Variants in SLC38A8 observed in about 807,000 individuals in gnomAD.
The protein encoded by SLC38A8 is amino acid transporter SLC38A8.
A neutral mutation model predicts 46.0 loss-of-function variants in SLC38A8; 65 were observed. The ratio of observed to expected loss-of-function variants is 1.41; its 90% CI spans 1.16 to 1.74. The LOEUF is 1.74. SLC38A8 is among the 40% of genes most tolerant of loss of function. SLC38A8 has a pLI of 0.00. For missense variants in SLC38A8, 998 were observed against 567.9 expected, an observed-to-expected ratio of 1.76 and a Z score of -7.70; for synonymous variants, 447 against 243.7, an observed-to-expected ratio of 1.83 and a Z score of -7.77.
chr16:84,023,592 A>G (rs1470110760), intron 6 of SLC38A8, among the ~76,000 whole-genome samples: 2 of 152,230 alleles, frequency 1.3e-5, no homozygotes, highest in African/African-American at 2.4e-5. Context: ...AACAATGAAC[A>G]CCACAGGAAG....
Position 84,042,167 on chromosome 16 carries a change from C to A in SLC38A8, c.-2-8G>T. ...GGGTCTGTCCCTCCATGGCTAGAGG[C>A]GGCAGAGGGGTGGAGAGAAAGCACA... On this transcript the variant is annotated splice_region_variant and splice_polypyrimidine_tract_variant and intron_variant, in intron 1 of 10. Coordinates refer to ENST00000299709, the MANE Select transcript of SLC38A8 (RefSeq NM_001080442.3). 1 of 1,603,362 alleles carries A rather than the reference C, an allele frequency of 6.2e-7. No homozygotes were observed. Among genetic ancestry groups the A allele is most frequent in the Non-Finnish European group, 8.5e-7 (1 of 1,175,686 alleles).
intron 7 of SLC38A8, among the ~76,000 whole-genome samples, chr16:84,018,327 G>A (rs1336038620): frequency 6.7e-6 from 1 of 148,710 alleles, no homozygotes; most frequent in South Asian, 2.1e-4. Context: ...CCGCCTCCTG[G>A]GTTCACGCCA....
chr16:84,031,838 G>A lies in SLC38A8; in HGVS notation c.632+29C>T, dbSNP rs761894237. ...TCCCCTGCCGTGCCTCCCCGCCGAG[G>A]CTGCCGGAAGCTGTTCCCTCAGACT... On this transcript the variant is annotated intron_variant, in intron 5 of 10. Transcript: ENST00000299709. 11 of 1,599,984 alleles carry A rather than the reference G, an allele frequency of 6.9e-6. No individual in the cohort carries two copies. In the African/African-American group the frequency reaches 1.3e-4, roughly 19 times the overall value.
intron 9 of SLC38A8, among the ~76,000 whole-genome samples, chr16:84,016,232 C>T (rs1017909682): frequency 6.6e-6 from 1 of 152,226 alleles, no homozygotes; most frequent in African/African-American, 2.4e-5. Context: ...ACTATCTCCA[C>T]CTTGCCCTGC....
At chr16:84,030,350 G>T (rs2085223227) in intron 5 of SLC38A8, among the ~76,000 whole-genome samples, 1 of 152,096 alleles carries the variant, frequency 6.6e-6, no homozygotes, top group African/African-American at 2.4e-5. Flanking sequence ...GTTTTTACCA[G>T]GGCCTCCTCA....
chr16:84,037,631 G>A (rs2085315715), intron 2 of SLC38A8, among the ~76,000 whole-genome samples: 3 of 151,690 alleles, frequency 2.0e-5, no homozygotes, highest in African/African-American at 7.3e-5. Flanking sequence ...CATGGTGGCA[G>A]ATGCCTGTAG....
At chr16:84,039,531 G>A (rs1056969725) in intron 2 of SLC38A8, among the ~76,000 whole-genome samples, 2 of 152,054 alleles carry the variant, frequency 1.3e-5, no homozygotes, top group Non-Finnish European at 2.9e-5. Flanking sequence ...GATCACCTGA[G>A]GTCAGGAGAT....
chr16:84,025,823 C>T (rs1446947566), intron 6 of SLC38A8, among the ~76,000 whole-genome samples: 1 of 152,250 alleles, frequency 6.6e-6, no homozygotes, highest in East Asian at 1.9e-4. Flanking sequence ...ACAGCCCTTC[C>T]GCTGGCGCGT....
intron 2 of SLC38A8, chr16:84,041,331 G>A (rs2085364693): frequency 1.3e-5 from 2 of 152,352 alleles, no homozygotes; most frequent in African/African-American, 4.8e-5. Flanking sequence ...TTGTTTTTGT[G>A]TGTTTAAGAC....
At chr16:84,013,428 T>TG (rs2084979594) in intron 9 of SLC38A8, among the ~76,000 whole-genome samples, 1 of 99,526 alleles carries the variant, frequency 1.0e-5, no homozygotes, top group Non-Finnish European at 1.9e-5. Context: ...GTGTGTGTTT[T>TG]TTTTTTTTTT....
At chr16:84,014,575 G>C (rs1465540595) in intron 9 of SLC38A8, among the ~76,000 whole-genome samples, 2 of 151,978 alleles carry the variant, frequency 1.3e-5, no homozygotes, top group Admixed American at 6.6e-5. Flanking sequence ...CCCAGAACCT[G>C]AGGGAGGAGC....
At chr16:84,036,624 C>A (rs2085301979) in intron 3 of SLC38A8, 78 bp downstream of exon 3, 2 of 1,534,274 alleles carry the variant, frequency 1.3e-6, no homozygotes, top group East Asian at 4.7e-5. Flanking sequence ...GGCCCCACGT[C>A]CTGCTCAACT....
intron 6 of SLC38A8, among the ~76,000 whole-genome samples, chr16:84,023,978 G>A (rs892792072): frequency 7.9e-5 from 12 of 152,174 alleles, no homozygotes; most frequent in African/African-American, 2.9e-4. Flanking sequence ...TCTACACCAG[G>A]GTTTCTCAGC....
At chr16:84,017,822 G>A (rs1232003272) in intron 7 of SLC38A8, among the ~76,000 whole-genome samples, 1 of 152,140 alleles carries the variant, frequency 6.6e-6, no homozygotes, top group Non-Finnish European at 1.5e-5. Flanking sequence ...TGAGAGATAG[G>A]TCTCTAAGAG....
intron 7 of SLC38A8, among the ~76,000 whole-genome samples, chr16:84,020,501 G>A (rs984692048): frequency 3.3e-5 from 5 of 152,234 alleles, no homozygotes; most frequent in East Asian, 1.9e-4. Context: ...TGTAGCTCTC[G>A]CTATCTGCCA....
chr16:84,022,567 C>T (rs562140275), intron 7 of SLC38A8, among the ~76,000 whole-genome samples: 5 of 152,296 alleles, frequency 3.3e-5, no homozygotes, highest in East Asian at 1.9e-4. Flanking sequence ...TGTGAAACCT[C>T]GAACAAGTTC....
rs570502102 is a variant in SLC38A8, at chr16:84,037,533, G to A, written c.190-633C>T. 2.6e-5 allele frequency among the ~76,000 whole-genome samples: 4 copies of A among 152,304 alleles called. No individual in the cohort carries two copies. In the South Asian group the frequency reaches 6.2e-4, roughly 24 times the overall value. On this transcript the variant is annotated intron_variant, in intron 2 of 10. Coordinates refer to ENST00000299709, the MANE Select transcript of SLC38A8 (RefSeq NM_001080442.3). ...CCCAGCACTTCTGGAGACCGAGGTA[G>A]GCGGATCACCTGAGGTCAGGAGTTT...
At chr16:84,024,358 T>G (rs1015244142) in intron 6 of SLC38A8, among the ~76,000 whole-genome samples, 1 of 152,184 alleles carries the variant, frequency 6.6e-6, no homozygotes, top group African/African-American at 2.4e-5. Flanking sequence ...CATTTTTTTT[T>G]GGTAGAGATG....
chr16:84,033,476 G>A lies in SLC38A8; in HGVS notation c.389-7C>T. ...GACAGGAGGGAGTCACACACTGCCA[G>A]AGACACGGGGAGAGCTGAGCCACAG... On this transcript the variant is annotated splice_region_variant and splice_polypyrimidine_tract_variant and intron_variant, in intron 3 of 10. Transcript: ENST00000299709. 2 of 1,590,030 alleles carry A rather than the reference G, an allele frequency of 1.3e-6. No homozygotes were observed. The highest frequency in any genetic ancestry group is 1.7e-6 in the Non-Finnish European group (2 of 1,168,944).
Sources: gnomAD v4.1 joint callset for allele counts (sites outside exome capture counted in the v4.1 genomes callset) on GRCh38, gnomAD v4.1.1 for gene constraint, MANE v1.5 for transcripts, NCBI Gene and HGNC (gene_info 2026-07-23, HGNC 2026-07-21) for gene names.